HOXA3: variants seen among roughly 807,000 people sequenced by gnomAD.
The protein encoded by HOXA3 is homeobox protein Hox-A3.
A neutral mutation model predicts 30.3 loss-of-function variants in HOXA3; 8 were observed. The ratio of observed to expected loss-of-function variants is 0.26; its 90% CI spans 0.15 to 0.48. HOXA3 has a LOEUF of 0.48. HOXA3 is among the 20% of genes least tolerant of loss of function. The pLI, the probability that HOXA3 is intolerant of heterozygous loss-of-function variation, is 0.99. For synonymous variants in HOXA3, 323 were observed against 273.1 expected (o/e 1.18, Z -1.80); for missense variants, 653 against 614.4 (o/e 1.06, Z -0.66).
intron 4 of HOXA3, among the ~76,000 whole-genome samples, chr7:27,112,059 A>G (rs1784408192): frequency 6.6e-6 from 1 of 152,016 alleles, no homozygotes; most frequent in African/African-American, 2.4e-5. Flanking sequence ...AACCTCCTCA[A>G]CCCTCTTTCA....
rs1321622114 is a variant in HOXA3, at chr7:27,122,646, C to A, written c.-204-4G>T. On this transcript the variant is annotated splice_region_variant and splice_polypyrimidine_tract_variant and intron_variant, in intron 3 of 5. Coordinates refer to ENST00000612286, the MANE Select transcript of HOXA3 (RefSeq NM_153631.3). The stretch of plus-strand genomic sequence containing the variant: ...CCTTTTCCGGTGTCCAGGCGCTCTG[C>A]AGACAAATAAACAGCAGAAGGTGAA... The A allele has an allele frequency of 6.6e-6, 1 of 152,234 alleles. No individual in the cohort carries two copies. The highest frequency in any genetic ancestry group is 1.5e-5 in the Non-Finnish European group (1 of 68,064). The allele number at this position is 152,234 out of a possible 1,614,324, so 9.4% of individuals were successfully genotyped here.
chr7:27,120,271 G>A (rs112622479), intron 4 of HOXA3, among the ~76,000 whole-genome samples: 15,151 of 152,060 alleles, frequency 0.1, 1,031 homozygotes, highest in African/African-American at 0.2. Context: ...GTCCGGGTGC[G>A]GTGGCTCATG....
chr7:27,147,535 TAGGACGCCCGGTTG>T (rs774609217), intron 1 of HOXA3: 31 of 1,614,168 alleles, frequency 1.9e-5, no homozygotes, highest in Non-Finnish European at 2.6e-5. Context: ...CCCGTACTCG[TAGGACGCCCGGTTG>T]CAGGCCAGGA....
At chr7:27,109,435 G>A (rs1784234873) in intron 5 of HOXA3, among the ~76,000 whole-genome samples, 1 of 152,224 alleles carries the variant, frequency 6.6e-6, no homozygotes, top group Non-Finnish European at 1.5e-5. Context: ...CTCAGAGCAG[G>A]GCACTGGCAA....
At position 27,108,106 on chromosome 7, in the gene HOXA3, C is replaced by T; in HGVS notation, c.1141G>A (p.Ala381Thr). ...YVEPMSNSGP[A>T]LFGLTHLPHA... ...GGGAGGTGAGTTAGACCAAAGAGGG[C>T]TGGCCCGGAGTTGCTCATGGGCTCC... Residue 381 changes from alanine to threonine, a missense_variant, in exon 6 of 6, where the codon GCC becomes ACC. Ala to Thr is a moderately conservative substitution (Grantham distance 58, BLOSUM62 0). Coordinates refer to ENST00000612286, the MANE Select transcript of HOXA3 (RefSeq NM_153631.3). The surrounding 1 kb of genome is among the most constrained non-coding windows in gnomAD (Gnocchi z 5.0). 1 of 1,610,350 alleles carries T rather than the reference C, an allele frequency of 6.2e-7. No homozygotes were observed.
At chr7:27,116,160 C>G (rs745804083) in intron 4 of HOXA3, 12 of 152,656 alleles carry the variant, frequency 7.9e-5, no homozygotes, top group Non-Finnish European at 1.5e-4. Flanking sequence ...ACCAATTCCC[C>G]CAAATCCCCG....
In HOXA3 at chr7:27,110,545, C is replaced by A. The variant is rs768363142; in HGVS notation, c.96G>T (p.Pro32=). The stretch of plus-strand genomic sequence containing the variant: ...CGCCCAAAGCGGCGGACGCCGGGTA[C>A]GGCTGCTGATTGGCATTATAAGCGA... ...NGFAYNANQQ[P]YPASAALGAD... Residue 32 remains proline, a synonymous_variant, in exon 5 of 6, where the codon CCG becomes CCT. Coordinates refer to ENST00000612286, the MANE Select transcript of HOXA3 (RefSeq NM_153631.3). The A allele has an allele frequency of 1.2e-6, 2 of 1,606,460 alleles. No individual in the cohort carries two copies. The highest frequency in any genetic ancestry group is 2.2e-5 in the South Asian group (2 of 90,998).
intron 1 of HOXA3, among the ~76,000 whole-genome samples, chr7:27,149,048 A>C (rs1225841998): frequency 1.3e-5 from 2 of 152,218 alleles, no homozygotes; most frequent in Non-Finnish European, 2.9e-5. Context: ...CCGGCTCCAG[A>C]AATCCTGAAT....
At chr7:27,137,805 A>C (rs142704129) in intron 2 of HOXA3, among the ~76,000 whole-genome samples, 21 of 152,364 alleles carry the variant, frequency 1.4e-4, no homozygotes, top group African/African-American at 5.1e-4. Context: ...CATTCCTTGG[A>C]AAGATTCTCT....
intron 1 of HOXA3, chr7:27,141,560 A>T: frequency 3.4e-6 from 1 of 294,272 alleles, no homozygotes; most frequent in East Asian, 6.5e-5. Flanking sequence ...TGTTATAGTT[A>T]CTTCAAGTAA....
intron 3 of HOXA3, among the ~76,000 whole-genome samples, chr7:27,126,443 A>T (rs1264157348): frequency 2.7e-5 from 3 of 112,822 alleles, no homozygotes; most frequent in African/African-American, 1.5e-4. Flanking sequence ...GGGTTTGCTT[A>T]AAAAAAAAAA....
intron 5 of HOXA3, among the ~76,000 whole-genome samples, chr7:27,109,094 T>C (rs1016053657): frequency 6.6e-6 from 1 of 152,134 alleles, no homozygotes; most frequent in Admixed American, 6.5e-5. Flanking sequence ...TCACAGTAAC[T>C]GAAATGTGGG....
Position 27,147,563 on chromosome 7 carries a change from A to T in HOXA3, c.-494+4725T>A, listed in dbSNP as rs745867625. On this transcript the variant is annotated intron_variant, in intron 1 of 5. Coordinates refer to ENST00000612286, the MANE Select transcript of HOXA3 (RefSeq NM_153631.3). ...GACGCCCGGTTGCAGGCCAGGACCG[A>T]GTTGGACTGTTGGTAGAAACAAGGT... The T allele has an allele frequency of 4.3e-6, 7 of 1,614,182 alleles. No homozygotes were observed. The Admixed American group carries it at 8.3e-5, about 19-fold the overall frequency.
intron 2 of HOXA3, among the ~76,000 whole-genome samples, chr7:27,132,483 A>T (rs1785591141): frequency 6.6e-6 from 1 of 152,240 alleles, no homozygotes; most frequent in African/African-American, 2.4e-5. Flanking sequence ...AAAAGAGGTT[A>T]AAAAGGGGAT....
At chr7:27,143,893 C>T (rs1372155027) in intron 1 of HOXA3, among the ~76,000 whole-genome samples, 2 of 152,174 alleles carry the variant, frequency 1.3e-5, no homozygotes, top group African/African-American at 2.4e-5. Flanking sequence ...CCGCCAGTTG[C>T]CGCCGTTCAG....
At chr7:27,114,125 G>T (rs1038893034) in intron 4 of HOXA3, 1 of 151,880 alleles carries the variant, frequency 6.6e-6, no homozygotes, top group Non-Finnish European at 1.5e-5. Context: ...TGGGGCTGAG[G>T]CGAGGGGAGG....
chr7:27,128,393 C>G (rs1785372276), intron 2 of HOXA3: 1 of 152,226 alleles, frequency 6.6e-6, no homozygotes, highest in African/African-American at 2.4e-5. Context: ...ATTATGTGAG[C>G]CGTCAGAATC....
chr7:27,138,071 A>C, intron 2 of HOXA3, among the ~76,000 whole-genome samples: 1 of 152,262 alleles, frequency 6.6e-6, no homozygotes, highest in East Asian at 1.9e-4. Context: ...CAGAGCAGCA[A>C]AACAAGGAAT....
At chr7:27,151,292 C>T in intron 1 of HOXA3, 1 of 305,220 alleles carries the variant, frequency 3.3e-6, no homozygotes. Context: ...AGCTACAGTT[C>T]GAGCCACCGC....
Sources: gnomAD v4.1 joint callset for allele counts (sites outside exome capture counted in the v4.1 genomes callset) on GRCh38, gnomAD v4.1.1 for gene constraint, Gnocchi (gnomAD v3.1) non-coding constraint, MANE v1.5 for transcripts, NCBI Gene and HGNC (gene_info 2026-07-23, HGNC 2026-07-21) for gene names.